ARHGAP12: variants seen among roughly 807,000 people sequenced by gnomAD.
ARHGAP12 encodes rho GTPase-activating protein 12.
In ARHGAP12, 64 loss-of-function variants were observed where a neutral mutation model predicts 108.6. The observed-to-expected ratio is 0.59, with a 90% CI of 0.48 to 0.73. ARHGAP12 has a LOEUF of 0.73. Among genes scored for constraint, ARHGAP12 ranks in the 30% least tolerant of loss-of-function variants. The pLI is 0.00. For synonymous variants in ARHGAP12, 312 were observed against 337.2 expected, an observed-to-expected ratio of 0.93 and a Z score of 0.82; for missense variants, 940 against 1,005.9, an observed-to-expected ratio of 0.93 and a Z score of 0.89.
intron 13 of ARHGAP12, among the ~76,000 whole-genome samples, chr10:31,817,429 T>C (rs924978240): frequency 6.6e-6 from 1 of 152,248 alleles, no homozygotes; most frequent in Non-Finnish European, 1.5e-5. Flanking sequence ...TTTCATTTCA[T>C]AAGCTCGCCT....
chr10:31,897,002 G>A (rs1255572170), intron 3 of ARHGAP12, among the ~76,000 whole-genome samples: 1 of 152,136 alleles, frequency 6.6e-6, no homozygotes, highest in East Asian at 1.9e-4. Flanking sequence ...TGAACTGCTG[G>A]AGGCTAAGTG....
intron 9 of ARHGAP12, among the ~76,000 whole-genome samples, chr10:31,838,506 A>AC (rs1260594753): frequency 2.0e-5 from 3 of 151,470 alleles, no homozygotes; most frequent in Non-Finnish European, 2.9e-5. Flanking sequence ...ACAAAGCAAG[A>AC]CCCCTTATCT....
chr10:31,827,520 G>A (rs902943102), intron 10 of ARHGAP12, among the ~76,000 whole-genome samples: 7 of 152,112 alleles, frequency 4.6e-5, no homozygotes, highest in Non-Finnish European at 1.0e-4. Flanking sequence ...GGCCGGGTGC[G>A]GTGGCTCACG....
chr10:31,894,032 T>C (rs1259978070), intron 3 of ARHGAP12, among the ~76,000 whole-genome samples: 2 of 152,122 alleles, frequency 1.3e-5, no homozygotes, highest in Admixed American at 6.6e-5. Context: ...AAAAGGCCTT[T>C]GACAAAATTC....
rs200276690 is a variant in ARHGAP12, at chr10:31,861,656, T to A, written c.687A>T (p.Ala229=). 2.3e-5 allele frequency: 36 copies of A among 1,586,566 alleles called. No individual in the cohort carries two copies. In the African/African-American group the frequency reaches 4.5e-4, roughly 20 times the overall value. Residue 229 remains alanine, a splice_region_variant and synonymous_variant, in exon 4 of 20, where the codon GCA becomes GCT. Coordinates refer to ENST00000344936, the MANE Select transcript of ARHGAP12 (RefSeq NM_018287.7). ...LSSSSTEQIR[A]TTPPNQGRPD... ...GCCTTCCTTGATTTGGAGGTGTGGT[T>A]GCCTGTGAAATAAACATTTTTAAAT...
Position 31,921,485 on chromosome 10 carries a change from G to A in ARHGAP12, c.-111+7198C>T, listed in dbSNP as rs141249397. Among the ~76,000 whole-genome samples, 865 of 152,192 alleles carry A rather than the reference G, an allele frequency of 5.7e-3. 1 individual carries two copies. Among genetic ancestry groups the A allele is most frequent in the Non-Finnish European group, 9.5e-3 (649 of 68,010 alleles). On this transcript the variant is annotated intron_variant, in intron 1 of 19. Coordinates refer to ENST00000344936, the MANE Select transcript of ARHGAP12 (RefSeq NM_018287.7). ...CAAATTAAATCCAAAGTTTGTAGAG[G>A]TCGGGCGCGGTAGCTCATGCCTGTA... is the stretch of plus-strand genomic sequence containing the variant.
chr10:31,809,658 CCATG>C lies in ARHGAP12; in HGVS notation c.2051-355_2051-352del, dbSNP rs571827701. ...AAGGAAGTCAGCAGGTAAAATCAGC[CCATG>C]CATATTTTGCATACCATTTTATAAT... On this transcript the variant is annotated intron_variant, in intron 16 of 19. Coordinates refer to ENST00000344936, the MANE Select transcript of ARHGAP12 (RefSeq NM_018287.7). The C allele has an allele frequency of 1.1e-3, 200 of 189,060 alleles. 3 individuals are homozygous for C. In the Middle Eastern group the frequency reaches 0.013, roughly 12 times the overall value. 11.7% of individuals were successfully genotyped at this position (189,060 alleles called of 1,614,324 possible). A position where few individuals can be genotyped will look rare whatever the true frequency, so the allele number is the denominator to read the frequency against.
intron 6 of ARHGAP12, among the ~76,000 whole-genome samples, chr10:31,845,403 G>A (rs1244924540): frequency 3.3e-5 from 5 of 152,122 alleles, no homozygotes; most frequent in African/African-American, 1.2e-4. Flanking sequence ...TAACTCTAAT[G>A]GGAAAGCTTC....
At chr10:31,831,053 T>C (rs906451483) in intron 10 of ARHGAP12, among the ~76,000 whole-genome samples, 3 of 152,226 alleles carry the variant, frequency 2.0e-5, no homozygotes, top group African/African-American at 7.2e-5. Context: ...ATTTGCATAC[T>C]TGCAAAATGA....
At chr10:31,927,343 C>CAT (rs1840093360) in intron 1 of ARHGAP12, among the ~76,000 whole-genome samples, 1 of 152,104 alleles carries the variant, frequency 6.6e-6, no homozygotes, top group Non-Finnish European at 1.5e-5. Context: ...AGTACACACA[C>CAT]ATCTAGGCCA....
At chr10:31,873,663 A>G (rs989699568) in intron 3 of ARHGAP12, among the ~76,000 whole-genome samples, 12 of 152,252 alleles carry the variant, frequency 7.9e-5, no homozygotes, top group South Asian at 2.1e-4. Context: ...TAAACCAAAG[A>G]CCCCTTTCTC....
At chr10:31,814,646 A>G (rs964217677) in intron 13 of ARHGAP12, among the ~76,000 whole-genome samples, 2 of 152,168 alleles carry the variant, frequency 1.3e-5, no homozygotes, top group Non-Finnish European at 2.9e-5. Flanking sequence ...AATCAACTGT[A>G]TATTAGTGAC....
intron 3 of ARHGAP12, among the ~76,000 whole-genome samples, chr10:31,867,196 C>T (rs2132324160): frequency 6.6e-6 from 1 of 150,818 alleles, no homozygotes; most frequent in Non-Finnish European, 1.5e-5. Flanking sequence ...CTCACTGCAG[C>T]CTCCACCTCC....
intron 3 of ARHGAP12, among the ~76,000 whole-genome samples, chr10:31,882,732 G>C (rs951897340): frequency 6.6e-6 from 1 of 150,784 alleles, no homozygotes; most frequent in African/African-American, 2.4e-5. Flanking sequence ...AGAATTGTGT[G>C]AACTTGGGAG....
At chr10:31,858,773 C>T (rs1836994926) in intron 4 of ARHGAP12, among the ~76,000 whole-genome samples, 2 of 152,156 alleles carry the variant, frequency 1.3e-5, no homozygotes, top group South Asian at 4.1e-4. Flanking sequence ...AAAATCACAA[C>T]AGCGAAATGT....
At chr10:31,830,557 T>C (rs1332958774) in intron 10 of ARHGAP12, among the ~76,000 whole-genome samples, 1 of 152,076 alleles carries the variant, frequency 6.6e-6, no homozygotes. Context: ...TATAAAGCTA[T>C]TTCAGAGCAC....
intron 5 of ARHGAP12, 107 bp from the exon 6 acceptor site, chr10:31,852,704 A>G (rs1163974187): frequency 3.1e-6 from 2 of 647,084 alleles, no homozygotes; most frequent in Non-Finnish European, 5.3e-6. Flanking sequence ...ATTCTACTTG[A>G]TCAAGAACAT....
intron 9 of ARHGAP12, among the ~76,000 whole-genome samples, chr10:31,839,033 C>A (rs1211072698): frequency 6.6e-6 from 1 of 150,832 alleles, no homozygotes; most frequent in Non-Finnish European, 1.5e-5. Flanking sequence ...AAAACGGTAA[C>A]GAAAAAAAAC....
intron 11 of ARHGAP12, among the ~76,000 whole-genome samples, chr10:31,821,925 CT>C (rs1835431160): frequency 6.6e-6 from 1 of 152,138 alleles, no homozygotes. Context: ...TGTTACCAAA[CT>C]TGAACATACA....
Sources: allele counts gnomAD v4.1 joint callset (sites outside exome capture counted in the v4.1 genomes callset), GRCh38; gene constraint gnomAD v4.1.1; transcripts MANE v1.5; gene names NCBI Gene and HGNC (gene_info 2026-07-23, HGNC 2026-07-21).